Variants in DLGAP2 observed in about 807,000 individuals in gnomAD.
DLGAP2 encodes disks large-associated protein 2.
A neutral mutation model predicts 100.3 loss-of-function variants in DLGAP2; 26 were observed. The observed-to-expected ratio is 0.26, with a 90% CI of 0.19 to 0.36. The LOEUF is 0.36. Ranked by LOEUF, DLGAP2 falls within the 10% of genes least tolerant of loss-of-function variation. The probability of loss-of-function intolerance (pLI) is 1.00; values close to 1 mark genes in which losing one functional copy is unlikely to be tolerated. For missense variants in DLGAP2, 1,858 were observed against 1,453.2 expected (o/e 1.28, Z -4.53); for synonymous variants, 886 against 630.1 (o/e 1.41, Z -6.08).
At chr8:916,412 C>T (rs1012000622) in intron 2 of DLGAP2, among the ~76,000 whole-genome samples, 1 of 152,176 alleles carries the variant, frequency 6.6e-6, no homozygotes, top group Non-Finnish European at 1.5e-5. Context: ...TCATTCTCAG[C>T]AACTATTGCA....
intron 3 of DLGAP2, among the ~76,000 whole-genome samples, chr8:1,275,174 A>G (rs1397209682): frequency 3.3e-5 from 5 of 152,178 alleles, no homozygotes; most frequent in African/African-American, 9.7e-5. Flanking sequence ...CTCTGGAGTT[A>G]TTATGTATAA....
intron 3 of DLGAP2, among the ~76,000 whole-genome samples, chr8:1,334,931 G>A (rs1801240413): frequency 6.6e-6 from 1 of 152,178 alleles, no homozygotes; most frequent in Admixed American, 6.5e-5. Flanking sequence ...GCACAAGTTT[G>A]CCATCTCCCA....
chr8:1,093,538 C>G lies in DLGAP2; in HGVS notation c.74-165313C>G, dbSNP rs574557760. Among the ~76,000 whole-genome samples the G allele has an allele frequency of 3.3e-5, 5 of 152,264 alleles. No homozygotes were observed. The East Asian group carries it at 9.7e-4, about 29-fold the overall frequency. On this transcript the variant is annotated intron_variant, in intron 2 of 14. Transcript: ENST00000637795. ...ACAGCCAGACCGAAACACCTTCACA[C>G]CAACAGCCAGACAGAAACACCCTCA...
intron 3 of DLGAP2, among the ~76,000 whole-genome samples, chr8:1,477,554 G>A (rs77810437): frequency 2.0e-5 from 3 of 152,278 alleles, no homozygotes; most frequent in East Asian, 1.9e-4. Context: ...CCGGCAGCCC[G>A]GTGGTCATCT....
intron 4 of DLGAP2, among the ~76,000 whole-genome samples, chr8:1,524,323 G>C (rs886755851): frequency 6.6e-6 from 1 of 152,106 alleles, no homozygotes; most frequent in Admixed American, 6.5e-5. Flanking sequence ...ACCCTCACCG[G>C]TGCTGACTGG....
At chr8:1,240,660 C>T (rs1491000678) in intron 2 of DLGAP2, among the ~76,000 whole-genome samples, 20 of 149,932 alleles carry the variant, frequency 1.3e-4, no homozygotes, top group African/African-American at 2.5e-4. Flanking sequence ...CACAGAGCAT[C>T]GTGTCTGGTT....
rs145313748 is a variant in DLGAP2, at chr8:767,144, T to G, written c.18+29319T>G. 5.9e-3 allele frequency among the ~76,000 whole-genome samples: 905 copies of G among 152,210 alleles called. 7 individuals are homozygous for G. Among genetic ancestry groups the G allele is most frequent in the African/African-American group, 0.021 (852 of 41,522 alleles). ...AGGTTGGTGTCCTGGTTATGAGCCG[T>G]GTGTTTCTGCTGGGGCCACATCCAC... On this transcript the variant is annotated intron_variant, in intron 1 of 14. Coordinates refer to ENST00000637795, the MANE Select transcript of DLGAP2 (RefSeq NM_001346810.2).
In DLGAP2 at chr8:1,516,490, CATGAATGAGTGA is replaced by C. The variant is rs534803695; in HGVS notation, c.172+15060_172+15071del. ...GAGTGGGTGACTGAGTGAAAGAGTA[CATGAATGAGTGA>C]GTGAATGAGTTCATGAATCAGTCAG... On this transcript the variant is annotated intron_variant, in intron 4 of 14. Coordinates refer to ENST00000637795, the MANE Select transcript of DLGAP2 (RefSeq NM_001346810.2). 1.9e-3 allele frequency among the ~76,000 whole-genome samples: 250 copies of C among 129,550 alleles called. 2 individuals are homozygous for C. Among genetic ancestry groups the C allele is most frequent in the African/African-American group, 7.1e-3 (234 of 33,182 alleles). The allele number at this position is 129,550 out of a possible 152,430, so 85.0% of individuals were successfully genotyped here.
At chr8:1,533,822 C>A (rs928500046) in intron 4 of DLGAP2, among the ~76,000 whole-genome samples, 1 of 152,078 alleles carries the variant, frequency 6.6e-6, no homozygotes, top group Non-Finnish European at 1.5e-5. Flanking sequence ...CCTGGCACAG[C>A]GGCCTGAGCC....
intron 1 of DLGAP2, among the ~76,000 whole-genome samples, chr8:856,208 G>A (rs1797275030): frequency 2.5e-5 from 2 of 79,944 alleles, no homozygotes; most frequent in South Asian, 4.2e-4. Context: ...TTTTTTTTGA[G>A]ATGGAGTTTC....
chr8:1,062,445 C>T (rs375266950), intron 2 of DLGAP2, among the ~76,000 whole-genome samples: 2 of 152,134 alleles, frequency 1.3e-5, no homozygotes, highest in African/African-American at 4.8e-5. Flanking sequence ...CTCCTGCGCT[C>T]GGCGTTTGGA....
intron 3 of DLGAP2, among the ~76,000 whole-genome samples, chr8:1,294,621 A>G (rs1199077439): frequency 6.6e-6 from 1 of 152,214 alleles, no homozygotes; most frequent in Non-Finnish European, 1.5e-5. Context: ...TTAAGAGTAC[A>G]TAGGCTTTTT....
intron 6 of DLGAP2, among the ~76,000 whole-genome samples, chr8:1,616,955 G>C (rs886662454): frequency 3.9e-5 from 6 of 152,116 alleles, no homozygotes; most frequent in Non-Finnish European, 1.5e-5. Flanking sequence ...TCATCACTTA[G>C]CTCCCACTTA....
chr8:1,683,954 GTA>G (rs59220880), intron 12 of DLGAP2, among the ~76,000 whole-genome samples: 4,496 of 74,490 alleles, frequency 0.06, 186 homozygotes, highest in East Asian at 0.11. Context: ...ATATATGTGT[GTA>G]TATATATATA....
chr8:1,430,495 C>T (rs1001434786), intron 3 of DLGAP2, among the ~76,000 whole-genome samples: 50 of 152,282 alleles, frequency 3.3e-4, no homozygotes, highest in African/African-American at 1.2e-3. Flanking sequence ...CCTGGAAAGA[C>T]TGATGTTTGC....
intron 1 of DLGAP2, among the ~76,000 whole-genome samples, chr8:767,614 C>G (rs1026045450): frequency 1.3e-5 from 2 of 152,120 alleles, no homozygotes; most frequent in African/African-American, 4.8e-5. Flanking sequence ...CTTGGCCTCC[C>G]AAAGTGCTGG....
intron 1 of DLGAP2, among the ~76,000 whole-genome samples, chr8:805,659 G>A (rs1351336892): frequency 6.6e-6 from 1 of 152,064 alleles, no homozygotes; most frequent in Non-Finnish European, 1.5e-5. Context: ...CCAGGCTGGA[G>A]GGCAGTGGCA....
At chr8:1,124,590 C>G (rs949119726) in intron 2 of DLGAP2, among the ~76,000 whole-genome samples, 1 of 152,224 alleles carries the variant, frequency 6.6e-6, no homozygotes, top group Non-Finnish European at 1.5e-5. Context: ...ATTTTATAAT[C>G]TAGCTGTGTT....
At chr8:1,525,341 G>A (rs1219887138) in intron 4 of DLGAP2, among the ~76,000 whole-genome samples, 1 of 152,030 alleles carries the variant, frequency 6.6e-6, no homozygotes, top group Non-Finnish European at 1.5e-5. Flanking sequence ...TTGGTTAATG[G>A]CTTTTTATTT....
Sources: gnomAD v4.1 joint callset for allele counts (sites outside exome capture counted in the v4.1 genomes callset) on GRCh38, gnomAD v4.1.1 for gene constraint, MANE v1.5 for transcripts, NCBI Gene and HGNC (gene_info 2026-07-23, HGNC 2026-07-21) for gene names.